PLEKHA5: variants seen among roughly 807,000 people sequenced by gnomAD.
PLEKHA5 encodes pleckstrin homology domain containing A5, also known as pleckstrin homology domain-containing family A member 5.
Under a neutral mutation model 181.9 loss-of-function variants are expected in PLEKHA5, and 55 were observed. That is an observed-to-expected ratio of 0.30 (90% CI 0.24 to 0.38). PLEKHA5 has a LOEUF of 0.38. Among genes scored for constraint, PLEKHA5 ranks in the 10% least tolerant of loss-of-function variants. The probability of loss-of-function intolerance (pLI) is 1.00; values close to 1 mark genes in which losing one functional copy is unlikely to be tolerated. For synonymous variants in PLEKHA5, 535 were observed against 529.4 expected (o/e 1.01, Z -0.15); for missense variants, 1,432 against 1,549.5 (o/e 0.92, Z 1.27).
intron 3 of PLEKHA5, among the ~76,000 whole-genome samples, chr12:19,216,803 C>G (rs2058058174): frequency 6.6e-6 from 1 of 152,104 alleles, no homozygotes. Flanking sequence ...ATCATGTTTT[C>G]TTGTAAATGT....
At chr12:19,307,221 C>A in intron 15 of PLEKHA5, 1 of 564,396 alleles carries the variant, frequency 1.8e-6, no homozygotes, top group Non-Finnish European at 3.2e-6. Context: ...GCCAGTAATC[C>A]CAGAGCTTTG....
chr12:19,336,342 A>G (rs902322606), intron 20 of PLEKHA5, among the ~76,000 whole-genome samples, 173 bp from the exon 21 acceptor site: 7 of 152,256 alleles, frequency 4.6e-5, no homozygotes, highest in African/African-American at 1.7e-4. Context: ...TAGGTTGCTT[A>G]GTAAATTTTT....
chr12:19,302,147 C>T (rs1043368239), intron 15 of PLEKHA5, among the ~76,000 whole-genome samples: 13 of 152,158 alleles, frequency 8.5e-5, no homozygotes, highest in Non-Finnish European at 1.6e-4. Context: ...AAGACAGATT[C>T]CCAACTGAAA....
At chr12:19,177,280 G>C (rs4396339) in intron 3 of PLEKHA5, among the ~76,000 whole-genome samples, 1 of 152,152 alleles carries the variant, frequency 6.6e-6, no homozygotes, top group African/African-American at 2.4e-5. Flanking sequence ...ACATAGAGAT[G>C]TGATAATTAA....
chr12:19,317,829 T>C (rs1440819317), intron 16 of PLEKHA5, among the ~76,000 whole-genome samples: 1 of 151,748 alleles, frequency 6.6e-6, no homozygotes, highest in East Asian at 1.9e-4. Context: ...GTTGGAGCAC[T>C]GCACAAGTTT....
At chr12:19,212,471 A>G (rs754935570) in intron 3 of PLEKHA5, among the ~76,000 whole-genome samples, 8 of 152,204 alleles carry the variant, frequency 5.3e-5, no homozygotes, top group Admixed American at 1.3e-4. Context: ...ACCTGAGGCC[A>G]GGAGTTCAAG....
chr12:19,276,448 C>T lies in PLEKHA5; in HGVS notation c.1313+1465C>T, dbSNP rs142013755. The stretch of plus-strand genomic sequence containing the variant: ...GCTTGAGTCTGTAATCCCAGCACTT[C>T]GGGAGGCCAAGGCGGGCAGTTCAGT... On this transcript the variant is annotated intron_variant, in intron 11 of 31. Coordinates refer to ENST00000429027, the MANE Select transcript of PLEKHA5 (RefSeq NM_001256470.2). 8.5e-5 allele frequency among the ~76,000 whole-genome samples: 13 copies of T among 152,192 alleles called. No individual in the cohort carries two copies. In the East Asian group the frequency reaches 1.2e-3, roughly 14 times the overall value.
chr12:19,183,207 CATAG>C (rs923402063), intron 3 of PLEKHA5, among the ~76,000 whole-genome samples: 9 of 152,216 alleles, frequency 5.9e-5, no homozygotes, highest in East Asian at 1.9e-4. Flanking sequence ...TTGTATTTTA[CATAG>C]ATAGATAGAT....
At chr12:19,370,252 T>C (rs957397149) in intron 31 of PLEKHA5, among the ~76,000 whole-genome samples, 48 of 152,238 alleles carry the variant, frequency 3.2e-4, no homozygotes, top group African/African-American at 1.1e-3. Flanking sequence ...GCCAACTTGA[T>C]GGAATATTAA....
chr12:19,176,965 G>A (rs573947720), intron 3 of PLEKHA5, among the ~76,000 whole-genome samples: 15 of 151,956 alleles, frequency 9.9e-5, no homozygotes, highest in Non-Finnish European at 1.9e-4. Context: ...CCTGGTTCAA[G>A]CGAGTCTCTC....
intron 8 of PLEKHA5, among the ~76,000 whole-genome samples, chr12:19,267,078 A>G (rs956638298): frequency 2.6e-5 from 4 of 152,156 alleles, no homozygotes; most frequent in Admixed American, 2.0e-4. Context: ...GAGGTCTTCA[A>G]TGCTATTTTT....
chr12:19,199,045 T>A (rs1417132288), intron 3 of PLEKHA5, among the ~76,000 whole-genome samples: 2 of 152,186 alleles, frequency 1.3e-5, no homozygotes, highest in Non-Finnish European at 2.9e-5. Flanking sequence ...CTATTCATTA[T>A]CTTGCCATAT....
intron 15 of PLEKHA5, among the ~76,000 whole-genome samples, chr12:19,302,487 C>T (rs2081794326): frequency 6.6e-6 from 1 of 152,096 alleles, no homozygotes; most frequent in Admixed American, 6.6e-5. Context: ...CCTCTACCTC[C>T]CAGGTTCAAG....
chr12:19,269,934 C>A lies in PLEKHA5; in HGVS notation c.827+49C>A, dbSNP rs796084714. 11 of 972,496 alleles carry A rather than the reference C, an allele frequency of 1.1e-5. 1 individual carries two copies. The highest frequency in any genetic ancestry group is 1.1e-4 in the African/African-American group (7 of 62,680). The allele number at this position is 972,496 out of a possible 1,614,324, so 60.2% of individuals were successfully genotyped here. A position where few individuals can be genotyped will look rare whatever the true frequency, so the allele number is the denominator to read the frequency against. On this transcript the variant is annotated intron_variant, in intron 9 of 31. Coordinates refer to ENST00000429027, the MANE Select transcript of PLEKHA5 (RefSeq NM_001256470.2). ...TGGTGATTTCCACTTCCATTTTATT[C>A]CATGCCTTGCAAGTATTTCACTGTC... is the stretch of plus-strand genomic sequence containing the variant.
rs1287638228 is a variant in PLEKHA5, at chr12:19,312,401, C to T, written c.2038-2413C>T. Among the ~76,000 whole-genome samples the T allele has an allele frequency of 2.0e-5, 3 of 152,236 alleles. 1 individual carries two copies. The highest frequency in any genetic ancestry group is 1.3e-4 in the Admixed American group (2 of 15,282). ...ATCTGATTCCCATACAAGGCTATTT[C>T]GTCTACATTGAAAATCTATCATTGA... On this transcript the variant is annotated intron_variant, in intron 15 of 31. Transcript: ENST00000429027.
intron 3 of PLEKHA5, chr12:19,176,299 C>G (rs1457734050): frequency 7.1e-6 from 1 of 140,156 alleles, no homozygotes; most frequent in Non-Finnish European, 1.5e-5. Flanking sequence ...TAAGATGGAG[C>G]CTTATTATAT....
intron 3 of PLEKHA5, chr12:19,153,303 CTTT>C (rs1430075590): frequency 1.3e-5 from 2 of 151,634 alleles, no homozygotes; most frequent in African/African-American, 4.8e-5. Flanking sequence ...GATTTTTTTT[CTTT>C]TAGTTTGCTT....
chr12:19,333,200 G>C (rs1023728982), intron 20 of PLEKHA5, among the ~76,000 whole-genome samples: 1 of 151,930 alleles, frequency 6.6e-6, no homozygotes, highest in Non-Finnish European at 1.5e-5. Flanking sequence ...CAGGCGAATC[G>C]CTTGAACCCA....
At chr12:19,311,536 TTTG>T (rs1233792507) in intron 15 of PLEKHA5, among the ~76,000 whole-genome samples, 5 of 152,160 alleles carry the variant, frequency 3.3e-5, no homozygotes, top group African/African-American at 1.2e-4. Context: ...TTCTAAATGC[TTTG>T]TTGTCAACAA....
Sources: gnomAD v4.1 joint callset for allele counts (sites outside exome capture counted in the v4.1 genomes callset) on GRCh38, gnomAD v4.1.1 for gene constraint, MANE v1.5 for transcripts, NCBI Gene and HGNC (gene_info 2026-07-23, HGNC 2026-07-21) for gene names.